The following ZNF185 variants were observed in gnomAD, a reference collection of about 807,000 sequenced individuals.
ZNF185 encodes zinc finger protein 185 with LIM domain, also known as zinc finger protein 185.
ZNF185 carries 56 observed loss-of-function variants against 58.6 expected under a neutral mutation model. That is an observed-to-expected ratio of 0.95 (90% confidence interval 0.77 to 1.19). ZNF185 has a LOEUF of 1.19. Ranked by LOEUF, ZNF185 falls within the 50% of genes most tolerant of loss-of-function variation. The pLI, the probability that ZNF185 is intolerant of heterozygous loss-of-function variation, is 0.00. For missense variants in ZNF185, 627 were observed against 573.5 expected, an observed-to-expected ratio of 1.09 and a Z score of -0.95; for synonymous variants, 230 against 215.9, an observed-to-expected ratio of 1.07 and a Z score of -0.57.
intron 10 of ZNF185, among the ~76,000 whole-genome samples, 184 bp from the exon 12 acceptor site, chrX:152,922,536 G>C (rs1302048708): frequency 8.9e-6 from 1 of 112,119 alleles, no homozygotes; most frequent in Admixed American, 9.4e-5. Flanking sequence ...CACTGAGCCT[G>C]GTGGCAACTT....
Position 152,928,053 on chromosome X carries a change from G to C in ZNF185, c.831-522G>C, listed in dbSNP as rs782790912. The stretch of plus-strand genomic sequence containing the variant: ...TGTCCGGGGTGGCCTGTGGTCATCT[G>C]GGGGAGGGCTCTGAGCGTGGCTGGC... On this transcript the variant is annotated intron_variant, in intron 11 of 22. Coordinates refer to ENST00000449285, the Ensembl canonical transcript of ZNF185. 8.0e-5 allele frequency among the ~76,000 whole-genome samples: 9 copies of C among 112,537 alleles called. No individual in the cohort carries two copies. The East Asian group carries it at 2.5e-3, about 32-fold the overall frequency.
chrX:152,945,273 G>A, exon 16 of ZNF185: 2 of 1,208,411 alleles, frequency 1.7e-6, no homozygotes, highest in Non-Finnish European at 2.2e-6. Context: ...TCAGGGCCTT[G>A]GCTGATTATG....
At chrX:152,934,027 G>T (rs372348555) in intron 14 of ZNF185, among the ~76,000 whole-genome samples, 3 of 112,838 alleles carry the variant, frequency 2.7e-5, no homozygotes, top group Non-Finnish European at 3.7e-5. Context: ...TCTTTAAGCT[G>T]CCACTAATGG....
In ZNF185 at chrX:152,950,051, A is replaced by G. The variant is rs548485455; in HGVS notation, c.1409+4587A>G. On this transcript the variant is annotated intron_variant, in intron 16 of 22. Transcript: ENST00000449285. ...CAGACGACTGGGGATGATAAGGACA[A>G]TGTAATTTGGGGGATAAAGGAAGAA... 4.5e-5 allele frequency among the ~76,000 whole-genome samples: 5 copies of G among 112,115 alleles called. No homozygotes were observed. In the South Asian group the frequency reaches 1.5e-3, roughly 33 times the overall value.
chrX:152,902,127 C>G, the ZNF185 span, among the ~76,000 whole-genome samples: 1 of 112,359 alleles, frequency 8.9e-6, no homozygotes, highest in African/African-American at 3.3e-5. Flanking sequence ...CCTCTTCCCG[C>G]AGAGCTGCCC....
At chrX:152,926,493 C>T (rs781955059) in intron 11 of ZNF185, among the ~76,000 whole-genome samples, 5 of 112,984 alleles carry the variant, frequency 4.4e-5, no homozygotes, top group East Asian at 5.6e-4. Flanking sequence ...CCCACATCCC[C>T]GCCTCCTCGC....
intron 14 of ZNF185, among the ~76,000 whole-genome samples, chrX:152,935,094 G>T (rs1423825109): frequency 3.6e-5 from 4 of 111,972 alleles, no homozygotes; most frequent in African/African-American, 6.5e-5. Flanking sequence ...AAAGTGCTGG[G>T]ATTACAGGCA....
At chrX:152,909,738 C>G (rs900517077), upstream of ZNF185, among the ~76,000 whole-genome samples, 1 of 112,146 alleles carries the variant, frequency 8.9e-6, no homozygotes, top group African/African-American at 3.2e-5. Flanking sequence ...TGCAGCACTG[C>G]GTGGCCCAAA....
intron 16 of ZNF185, among the ~76,000 whole-genome samples, chrX:152,959,149 C>A (rs1260190802): frequency 1.8e-5 from 2 of 112,542 alleles, no homozygotes; most frequent in African/African-American, 3.2e-5. Flanking sequence ...CCTGGCCCTT[C>A]CCCCCTTTGT....
exon 15 of ZNF185, chrX:152,938,131 A>G: frequency 1.7e-6 from 2 of 1,186,048 alleles, no homozygotes; most frequent in East Asian, 6.2e-5. Flanking sequence ...ACAGCACAGC[A>G]GCCCAGGAGG....
chrX:152,915,442 C>A (rs1556865216), intron 3 of ZNF185, among the ~76,000 whole-genome samples: 1 of 112,962 alleles, frequency 8.9e-6, no homozygotes, highest in East Asian at 2.8e-4. Context: ...GGCTGTGTGG[C>A]TGTGGGGCAG....
At chrX:152,965,177 T>C (rs949645035) in intron 18 of ZNF185, among the ~76,000 whole-genome samples, 4 of 112,317 alleles carry the variant, frequency 3.6e-5, no homozygotes, top group African/African-American at 9.7e-5. Context: ...CACCGAGGTC[T>C]GCATGGAGGA....
chrX:152,918,026 G>T, intron 5 of ZNF185, 39 bp from the exon 7 acceptor site: 1 of 1,169,213 alleles, frequency 8.6e-7, no homozygotes. Flanking sequence ...AGGCAGGAGG[G>T]AGCCTGCAGG....
At chrX:152,929,320 C>T (rs998270433) in intron 12 of ZNF185, among the ~76,000 whole-genome samples, 4 of 110,844 alleles carry the variant, frequency 3.6e-5, no homozygotes, top group African/African-American at 9.8e-5. Flanking sequence ...AGGCAGGATT[C>T]GGGGGCTGGG....
intron 16 of ZNF185, among the ~76,000 whole-genome samples, chrX:152,949,408 G>A (rs1052131226): frequency 1.8e-5 from 2 of 112,345 alleles, no homozygotes; most frequent in African/African-American, 3.2e-5. Context: ...GCTGGGGTGC[G>A]ACTGTAGACA....
At chrX:152,967,031 G>A in intron 19 of ZNF185, 136 bp from the exon 22 acceptor site, 1 of 566,582 alleles carries the variant, frequency 1.8e-6, no homozygotes, top group African/African-American at 2.3e-5. Context: ...GAAGGGCCCT[G>A]TGGCACCAAG....
At chrX:152,955,338 A>T (rs1490737930) in intron 16 of ZNF185, among the ~76,000 whole-genome samples, 2 of 112,106 alleles carry the variant, frequency 1.8e-5, no homozygotes, top group East Asian at 5.6e-4. Context: ...AAATGTACTT[A>T]TATGGTCTTG....
At position 152,922,859 on chromosome X, in the gene ZNF185, C is replaced by T. The variant is rs782088486; in HGVS notation, c.830+50C>T. Reference sequence around the variant, plus strand: ...CTTGTGAGTGGGTGTGATGGCTTCCCGCCAGCCTGGCTGGCTGGTTCTGCC... The same window carrying T: ...CTTGTGAGTGGGTGTGATGGCTTCCTGCCAGCCTGGCTGGCTGGTTCTGCC... On this transcript the variant is annotated intron_variant, in intron 11 of 22. Coordinates refer to ENST00000449285, the Ensembl canonical transcript of ZNF185. 1.2e-5 allele frequency: 13 copies of T among 1,106,798 alleles called. No homozygotes were observed. The East Asian group carries it at 2.3e-4, about 20-fold the overall frequency. 91.2% of individuals were successfully genotyped at this position (1,106,798 alleles called of 1,213,427 possible). A position where few individuals can be genotyped will look rare whatever the true frequency, so the allele number is the denominator to read the frequency against.
the ZNF185 span, among the ~76,000 whole-genome samples, chrX:152,898,834 T>C: frequency 8.9e-6 from 1 of 112,202 alleles, no homozygotes; most frequent in Non-Finnish European, 1.9e-5. Flanking sequence ...TGTGGCTGGA[T>C]TGTTTTGATG....
Sources: allele counts gnomAD v4.1 joint callset (sites outside exome capture counted in the v4.1 genomes callset), GRCh38; gene constraint gnomAD v4.1.1; transcripts MANE v1.5; gene names NCBI Gene and HGNC (gene_info 2026-07-23, HGNC 2026-07-21).